The following KIAA1671 variants were observed in gnomAD, a reference collection of about 807,000 sequenced individuals.
KIAA1671 encodes the protein uncharacterized protein KIAA1671.
Under a neutral mutation model 131.2 loss-of-function variants are expected in KIAA1671, and 52 were observed. The observed-to-expected ratio is 0.40, with a 90% CI of 0.32 to 0.50. The LOEUF (loss-of-function observed/expected upper bound fraction) is 0.50. Among genes scored for constraint, KIAA1671 ranks in the 20% least tolerant of loss-of-function variants. KIAA1671 has a pLI of 0.73. For missense variants in KIAA1671, 2,360 were observed against 2,364.2 expected, an observed-to-expected ratio of 1.00 and a Z score of 0.04; for synonymous variants, 1,003 against 961.6, an observed-to-expected ratio of 1.04 and a Z score of -0.80.
Position 25,070,055 on chromosome 22 carries a change from C to T in KIAA1671, c.4530+20691C>T, listed in dbSNP as rs1242561117. On this transcript the variant is annotated intron_variant, in intron 6 of 12. Transcript: ENST00000358431. ...AAAACCCTAAAACCCTCCGTGCCTA[C>T]GGCTCCCGGGAGGGTGAGGGTCCAG... is the stretch of plus-strand genomic sequence containing the variant. 4.7e-5 allele frequency: 14 copies of T among 299,452 alleles called. 1 individual carries two copies. The Admixed American group carries it at 6.1e-4, about 13-fold the overall frequency. The allele number at this position is 299,452 out of a possible 1,614,324, so 18.5% of individuals were successfully genotyped here. A position where few individuals can be genotyped will look rare whatever the true frequency, so the allele number is the denominator to read the frequency against.
In KIAA1671 at chr22:25,185,088, G is replaced by A. The variant is rs554210310; in HGVS notation, c.5311G>A (p.Val1771Met). The part of the protein sequence containing the change: ...PFQPGVLGSR[V>M]LPSSMDKDER... ...CCAGCCTGGGGTGCTGGGCAGTCGC[G>A]TGCTGCCTTCCAGCATGGACAAGGA... is the stretch of plus-strand genomic sequence containing the variant. The change falls in exon 11 of 13, where the codon GTG (valine) becomes ATG (methionine). Residue 1771 changes from valine (V) to methionine (M), a missense_variant. Physicochemically the swap from Val to Met is conservative, Grantham distance 21 (BLOSUM62 1). This residue lies in a region of KIAA1671 where 1,161 missense variants were observed against 1,204.7 expected (regional missense o/e 0.96). Transcript: ENST00000358431. 1.6e-5 allele frequency: 25 copies of A among 1,551,510 alleles called. No homozygotes were observed. The East Asian group carries it at 2.4e-4, about 15-fold the overall frequency.
chr22:25,181,876 C>T, intron 10 of KIAA1671, 53 bp downstream of exon 10: 3 of 1,536,350 alleles, frequency 2.0e-6, no homozygotes, highest in Middle Eastern at 1.9e-4. Flanking sequence ...TCAACCTTAG[C>T]AGTGTAAAGA....
rs979983026 is a variant in KIAA1671 at position 25,182,204 on chromosome 22, TTCCTTCCTTCCG to T, written c.5199+393_5199+404del. ...AAAAAAAAAACAAAAAACAAACATA[TTCCTTCCTTCCG>T]TCCTTCCTTCCTTTCTTCCTCCCTC... On this transcript the variant is annotated intron_variant, in intron 10 of 12. Coordinates refer to ENST00000358431, the MANE Select transcript of KIAA1671 (RefSeq NM_001145206.2). Among the ~76,000 whole-genome samples the T allele has an allele frequency of 1.5e-3, 178 of 119,158 alleles. 3 individuals carry two copies. The highest frequency in any genetic ancestry group is 3.1e-4 in the Non-Finnish European group (18 of 58,758). 78.2% of individuals were successfully genotyped at this position (119,158 alleles called of 152,430 possible).
chr22:25,032,624 T>C lies in KIAA1671; in HGVS notation c.1557T>C (p.Ala519=). Residue 519 remains alanine (A), a synonymous_variant, in exon 4 of 13, where the codon GCT becomes GCC. Transcript: ENST00000358431. ...ADLTKLFSSS[A]SSNEVKYEKS... ...TCTGTACCAGGTTTTCAAGTTCAGC[T>C]TCCAGCAACGAAGTCAAATATGAGA... 1 of 1,545,912 alleles carries C rather than the reference T, an allele frequency of 6.5e-7. No individual in the cohort carries two copies. Among genetic ancestry groups the C allele is most frequent in the South Asian group, 1.2e-5 (1 of 83,672 alleles).
At chr22:25,048,281 G>T (rs2145818585) in intron 5 of KIAA1671, among the ~76,000 whole-genome samples, 1 of 152,340 alleles carries the variant, frequency 6.6e-6, no homozygotes, top group Admixed American at 6.5e-5. Context: ...AAACAGAATT[G>T]GCAGGCATCT....
chr22:24,960,228 G>A (rs1921942986), intron 1 of KIAA1671, among the ~76,000 whole-genome samples: 1 of 151,856 alleles, frequency 6.6e-6, no homozygotes, highest in Non-Finnish European at 1.5e-5. Context: ...TCCCATTTCA[G>A]AATGTGTTGA....
chr22:24,992,814 CAAA>C (rs761181079), intron 1 of KIAA1671, among the ~76,000 whole-genome samples: 3 of 57,380 alleles, frequency 5.2e-5, no homozygotes, highest in African/African-American at 7.4e-5. Flanking sequence ...GACTCCGTCT[CAAA>C]AAAAAAAAAA....
chr22:25,113,431 C>T (rs565734020), intron 6 of KIAA1671, among the ~76,000 whole-genome samples: 4 of 152,352 alleles, frequency 2.6e-5, no homozygotes, highest in African/African-American at 9.6e-5. Flanking sequence ...CACTTGAGGA[C>T]AGGCGAAGGG....
At chr22:24,981,062 C>G (rs1162827884) in intron 1 of KIAA1671, among the ~76,000 whole-genome samples, 2 of 148,808 alleles carry the variant, frequency 1.3e-5, no homozygotes, top group Admixed American at 6.7e-5. Context: ...TTGTTATTTT[C>G]TGTGTGTGTG....
chr22:24,991,015 T>G (rs1231909158), intron 1 of KIAA1671, among the ~76,000 whole-genome samples: 1 of 152,042 alleles, frequency 6.6e-6, no homozygotes, highest in African/African-American at 2.4e-5. Flanking sequence ...GGACCCTTTC[T>G]TCTTTAATTT....
intron 1 of KIAA1671, among the ~76,000 whole-genome samples, chr22:24,958,424 C>T (rs911433085): frequency 6.6e-5 from 10 of 151,854 alleles, no homozygotes; most frequent in East Asian, 1.9e-4. Flanking sequence ...CTGAGGTGGG[C>T]GGATCACCTG....
rs1228170183 is a variant in KIAA1671 at position 25,039,212 on chromosome 22, G to C, written c.2082G>C (p.Leu694=). Residue 694 remains leucine (L), a synonymous_variant, in exon 5 of 13, where the codon CTG becomes CTC. Coordinates refer to ENST00000358431, the MANE Select transcript of KIAA1671 (RefSeq NM_001145206.2). ...LGPTTLLNGE[L]RPYHTPLRDK... ...CAACCACCCTTTTGAATGGTGAACT[G>C]AGACCGTATCACACGCCTCTCCGGG... The C allele has an allele frequency of 2.6e-6, 4 of 1,552,184 alleles. No homozygotes were observed. In the African/African-American group the frequency reaches 5.5e-5, roughly 21 times the overall value.
At chr22:25,003,900 C>T (rs1366885231) in intron 1 of KIAA1671, among the ~76,000 whole-genome samples, 2 of 151,586 alleles carry the variant, frequency 1.3e-5, no homozygotes, top group African/African-American at 4.9e-5. Flanking sequence ...TCACTGCAGC[C>T]TCTGCCTCCT....
intron 11 of KIAA1671, among the ~76,000 whole-genome samples, chr22:25,186,927 A>ACT (rs1934494465): frequency 6.6e-6 from 1 of 152,190 alleles, no homozygotes; most frequent in Admixed American, 6.5e-5. Flanking sequence ...AAACCCCCAG[A>ACT]CTAGGGCCTC....
At chr22:25,049,472 G>A (rs1289131293) in intron 6 of KIAA1671, 108 bp downstream of exon 6, 1 of 1,272,258 alleles carries the variant, frequency 7.9e-7, no homozygotes, top group Non-Finnish European at 1.1e-6. Flanking sequence ...CCCTGACGGG[G>A]TTGAGGGCAG....
chr22:25,174,832 G>C (rs1480905106), intron 8 of KIAA1671: 1 of 198,664 alleles, frequency 5.0e-6, no homozygotes, highest in Non-Finnish European at 1.0e-5. Context: ...ACTTACCCCT[G>C]GGAAGTCACC....
chr22:25,039,725 G>A lies in KIAA1671; in HGVS notation c.2595G>A (p.Glu865=). The A allele has an allele frequency of 6.6e-7, 1 of 1,505,810 alleles. No homozygotes were observed. Among genetic ancestry groups the A allele is most frequent in the Non-Finnish European group, 8.9e-7 (1 of 1,121,660 alleles). The allele number at this position is 1,505,810 out of a possible 1,614,324, so 93.3% of individuals were successfully genotyped here. ...GGGAAAGCCAGCATGAGGGGCCAGA[G>A]GGGGCCAGAAGCAAGCCAGGAGTGG... ...AIWESQHEGP[E]GARSKPGVGA... The change falls in exon 5 of 13, where the codon GAG becomes GAA. Residue 865 remains glutamate (E), a synonymous_variant. Coordinates refer to ENST00000358431, the MANE Select transcript of KIAA1671 (RefSeq NM_001145206.2).
chr22:25,004,937 T>G (rs1245021770), intron 1 of KIAA1671, among the ~76,000 whole-genome samples: 1 of 146,340 alleles, frequency 6.8e-6, no homozygotes, highest in Non-Finnish European at 1.5e-5. Flanking sequence ...CAGAGTGAGA[T>G]TCTGTCTCAA....
In KIAA1671 at chr22:25,187,768, G is replaced by A. The variant is rs1187016001; in HGVS notation, c.5342+2649G>A. ...GATCCTCTGCCTCCCAAAGTGCTAG[G>A]ATTACAGGCATGAGCTACCGTGCCT... is the stretch of plus-strand genomic sequence containing the variant. On this transcript the variant is annotated intron_variant, in intron 11 of 12. Coordinates refer to ENST00000358431, the MANE Select transcript of KIAA1671 (RefSeq NM_001145206.2). Among the ~76,000 whole-genome samples, 3 of 152,108 alleles carry A rather than the reference G, an allele frequency of 2.0e-5. No homozygotes were observed. In the East Asian group the frequency reaches 5.8e-4, roughly 29 times the overall value.
Sources: allele counts gnomAD v4.1 joint callset (sites outside exome capture counted in the v4.1 genomes callset), GRCh38; gene constraint gnomAD v4.1.1; regional missense constraint gnomAD v4.1.1; transcripts MANE v1.5; gene names NCBI Gene and HGNC (gene_info 2026-07-23, HGNC 2026-07-21).